ROS1: variants seen among roughly 807,000 people sequenced by gnomAD.
ROS1 encodes ROS proto-oncogene 1, receptor tyrosine kinase.
ROS1 carries 263 observed loss-of-function variants against 273.5 expected under a neutral mutation model. The observed-to-expected ratio is 0.96, with a 90% CI of 0.87 to 1.06. ROS1 has a LOEUF of 1.06. Among genes scored for constraint, ROS1 ranks in the 50% least tolerant of loss-of-function variants. The probability of loss-of-function intolerance (pLI) is 0.00; values close to 1 mark genes in which losing one functional copy is unlikely to be tolerated. For missense variants in ROS1, 2,833 were observed against 2,751.1 expected (o/e 1.03, Z -0.67); for synonymous variants, 1,008 against 954.1 (o/e 1.06, Z -1.04).
chr6:117,383,634 G>GAAT, intron 16 of ROS1, 126 bp from the exon 17 acceptor site: 3 of 764,626 alleles, frequency 3.9e-6, no homozygotes, highest in Non-Finnish European at 6.6e-6. Flanking sequence ...AATAGTGATT[G>GAAT]GCACTATGTG....
rs549038872 is a variant in ROS1 at position 117,318,105 on chromosome 6, T to A, written c.5987+83A>T. The stretch of plus-strand genomic sequence containing the variant: ...GTTGTTTTAGTCATGATCCGTTAAG[T>A]CATGTCATTTTGGGTGTTAAAAATA... On this transcript the variant is annotated intron_variant, in intron 38 of 43. Coordinates refer to ENST00000368507, the MANE Select transcript of ROS1 (RefSeq NM_001378902.1). The A allele has an allele frequency of 6.3e-6, 6 of 946,414 alleles. No individual in the cohort carries two copies. In the East Asian group the frequency reaches 1.3e-4, roughly 20 times the overall value. 58.6% of individuals were successfully genotyped at this position (946,414 alleles called of 1,614,324 possible).
intron 42 of ROS1, among the ~76,000 whole-genome samples, chr6:117,305,287 G>A (rs1429973776): frequency 6.6e-6 from 1 of 152,118 alleles, no homozygotes; most frequent in Non-Finnish European, 1.5e-5. Flanking sequence ...TATTTAGAAG[G>A]AGAGAAAGAA....
In ROS1 at chr6:117,366,221, C is replaced by T. The variant is rs1476549252; in HGVS notation, c.2652G>A (p.Met884Ile). ...STSEISQNAL[M>I]YYSGRLFWIN... is the part of the protein sequence containing the mutation. Reference sequence around the variant, plus strand: ...TCCAGAACAGCCGACCACTATAGTACATCAGTGCATTCTGGGAAATTTCAG... The same window carrying T: ...TCCAGAACAGCCGACCACTATAGTATATCAGTGCATTCTGGGAAATTTCAG... Residue 884 changes from methionine to isoleucine, a missense_variant, in exon 19 of 44, where the codon ATG becomes ATA. Met to Ile is a conservative substitution (Grantham distance 10, BLOSUM62 1). Coordinates refer to ENST00000368507, the MANE Select transcript of ROS1 (RefSeq NM_001378902.1). 3 of 1,613,948 alleles carry T rather than the reference C, an allele frequency of 1.9e-6. No individual in the cohort carries two copies. The highest frequency in any genetic ancestry group is 3.3e-5 in the Admixed American group (2 of 59,986).
rs1458544419 is a variant in ROS1, at chr6:117,425,686, C to T, written c.-30G>A. The T allele has an allele frequency of 1.2e-6, 2 of 1,607,694 alleles. No homozygotes were observed. The highest frequency in any genetic ancestry group is 1.7e-6 in the Non-Finnish European group (2 of 1,177,192). On this transcript the variant is annotated 5_prime_UTR_variant, in exon 1 of 44. Coordinates refer to ENST00000368507, the MANE Select transcript of ROS1 (RefSeq NM_001378902.1). ...TCACCAATGGCAGATTTTTAGATGG[C>T]CGGTCTAATTTTCTCCATTTTGCTA...
In ROS1 at chr6:117,342,439, G is replaced by T. The variant is rs1778015572; in HGVS notation, c.4612C>A (p.Pro1538Thr). The change falls in exon 29 of 44, where the codon CCA (proline) becomes ACA (threonine). Residue 1538 changes from proline (P) to threonine (T), a missense_variant. Physicochemically the swap from Pro to Thr is conservative, Grantham distance 38 (BLOSUM62 -1). Coordinates refer to ENST00000368507, the MANE Select transcript of ROS1 (RefSeq NM_001378902.1). ...NYYSDPLEHL[P>T]PGKEIWGKTK... ...TTTCCCCAAATCTCTTTTCCTGGTG[G>T]TAAATGTTCCAAAGGATCTGAATAA... 6.2e-7 allele frequency: 1 copy of T among 1,611,588 alleles called. No individual in the cohort carries two copies. The highest frequency in any genetic ancestry group is 1.1e-5 in the South Asian group (1 of 90,786).
chr6:117,423,342 A>G (rs1357754539), intron 1 of ROS1, among the ~76,000 whole-genome samples: 1 of 152,214 alleles, frequency 6.6e-6, no homozygotes, highest in Non-Finnish European at 1.5e-5. Flanking sequence ...TAAAGATGGG[A>G]AAATTATGAT....
rs369894311 is a variant in ROS1 at position 117,409,657 on chromosome 6, G to T, written c.256-15C>A. On this transcript the variant is annotated splice_polypyrimidine_tract_variant and intron_variant, in intron 4 of 43. Transcript: ENST00000368507. ...CACGACTCCCGCTGTGGAAGACAGG[G>T]AGCATGACAGTCAGGGCAGCCTTGA... The T allele has an allele frequency of 6.2e-7, 1 of 1,611,448 alleles. No individual in the cohort carries two copies. The highest frequency in any genetic ancestry group is 8.5e-7 in the Non-Finnish European group (1 of 1,177,658).
chr6:117,421,420 C>G (rs1366885647), intron 1 of ROS1, among the ~76,000 whole-genome samples: 1 of 151,934 alleles, frequency 6.6e-6, no homozygotes, highest in Non-Finnish European at 1.5e-5. Context: ...CCTTCCCTCC[C>G]CCTTCTGAGT....
chr6:117,353,009 T>C lies in ROS1; in HGVS notation c.4284A>G (p.Ser1428=). Residue 1428 remains serine (S), a synonymous_variant, in exon 27 of 44, where the codon TCA becomes TCG. Transcript: ENST00000368507. ...TATTACCTGGAAAAGGCTGCATAAC[T>C]GAACTGTAAGCCAAGATATGCCTAC... ...LRSRHILAYS[S]VMQPFPDKAF... 1 of 1,613,472 alleles carries C rather than the reference T, an allele frequency of 6.2e-7. No individual in the cohort carries two copies. The highest frequency in any genetic ancestry group is 8.5e-7 in the Non-Finnish European group (1 of 1,179,868).
chr6:117,403,270 GAC>G lies in ROS1; in HGVS notation c.471_472del (p.Ser158GlnfsTer14), dbSNP rs1238496624. The stretch of plus-strand genomic sequence containing the variant: ...GGGCTTGACCACATAGGACGGTCTG[GAC>G]ACAGTCTAGATCAAGGAGTGATCAA... On this transcript the variant is annotated frameshift_variant, in exon 7 of 44. Coordinates refer to ENST00000368507, the MANE Select transcript of ROS1 (RefSeq NM_001378902.1). LOFTEE classifies it high-confidence loss of function. 6 of 1,611,716 alleles carry G rather than the reference GAC, an allele frequency of 3.7e-6. No individual in the cohort carries two copies. The highest frequency in any genetic ancestry group is 5.1e-6 in the Non-Finnish European group (6 of 1,179,522).
At position 117,358,001 on chromosome 6, in the gene ROS1, T is replaced by C. The variant is rs1181130561; in HGVS notation, c.3642A>G (p.Gln1214=). 6.2e-7 allele frequency: 1 copy of C among 1,611,484 alleles called. No individual in the cohort carries two copies. Among genetic ancestry groups the C allele is most frequent in the Admixed American group, 1.7e-5 (1 of 59,944 alleles). Reference sequence around the variant, plus strand: ...CTGTGATATCAAAAACCAGTGAATCTTGGAAAAGCTTAACAACAGGTAGAG... The same window carrying C: ...CTGTGATATCAAAAACCAGTGAATCCTGGAAAAGCTTAACAACAGGTAGAG... The part of the protein sequence containing the change: ...LHNRSSSELF[Q]DSLVFDITVI... The change falls in exon 25 of 44, where the codon CAA becomes CAG. Residue 1214 remains glutamine (Q), a synonymous_variant. Transcript: ENST00000368507.
At chr6:117,382,205 T>G (rs1237215196) in intron 17 of ROS1, among the ~76,000 whole-genome samples, 1 of 152,212 alleles carries the variant, frequency 6.6e-6, no homozygotes, top group Admixed American at 6.5e-5. Flanking sequence ...TTAAGAGACC[T>G]TTTTATTATT....
chr6:117,387,719 G>C, intron 14 of ROS1, 61 bp downstream of exon 14: 8 of 1,538,134 alleles, frequency 5.2e-6, no homozygotes, highest in Non-Finnish European at 6.1e-6. Context: ...GAAATTTAAA[G>C]GGCACTCAGC....
chr6:117,310,978 G>T, intron 40 of ROS1, 42 bp downstream of exon 40: 2 of 1,244,714 alleles, frequency 1.6e-6, no homozygotes, highest in Non-Finnish European at 2.3e-6. Flanking sequence ...TGATTATTGT[G>T]CCAATATCCG....
intron 15 of ROS1, 85 bp downstream of exon 15, chr6:117,386,804 C>T: frequency 1.6e-6 from 1 of 639,672 alleles, no homozygotes; most frequent in Non-Finnish European, 2.7e-6. Flanking sequence ...ACAAAAATAC[C>T]CTATTCTTTT....
At position 117,395,196 on chromosome 6, in the gene ROS1, T is replaced by C. The variant is rs562548613; in HGVS notation, c.884-458A>G. 4.6e-5 allele frequency among the ~76,000 whole-genome samples: 7 copies of C among 152,264 alleles called. No individual in the cohort carries two copies. The South Asian group carries it at 1.0e-3, about 23-fold the overall frequency. On this transcript the variant is annotated intron_variant, in intron 9 of 43. Coordinates refer to ENST00000368507, the MANE Select transcript of ROS1 (RefSeq NM_001378902.1). ...AAGAAAGGTCCTTAAAGGAATGACA[T>C]TGGAAGGCTGCAGAACTCTGCTTGA...
intron 18 of ROS1, among the ~76,000 whole-genome samples, chr6:117,375,228 G>A (rs1216987425): frequency 6.6e-6 from 1 of 152,182 alleles, no homozygotes; most frequent in Non-Finnish European, 1.5e-5. Flanking sequence ...CTCATAAGTG[G>A]GAGTTAGGCT....
intron 24 of ROS1, among the ~76,000 whole-genome samples, chr6:117,358,456 G>GTAAAC (rs1195190856): frequency 6.6e-6 from 1 of 151,230 alleles, no homozygotes; most frequent in Non-Finnish European, 1.5e-5. Context: ...ACTACCCATA[G>GTAAAC]TAAACTAGTC....
Position 117,425,732 on chromosome 6 carries a change from T to C in ROS1, c.-76A>G. The C allele has an allele frequency of 2.7e-6, 4 of 1,488,374 alleles. No homozygotes were observed. Among genetic ancestry groups the C allele is most frequent in the Admixed American group, 1.8e-5 (1 of 55,224 alleles). The allele number at this position is 1,488,374 out of a possible 1,614,324, so 92.2% of individuals were successfully genotyped here. A position where few individuals can be genotyped will look rare whatever the true frequency, so the allele number is the denominator to read the frequency against. On this transcript the variant is annotated 5_prime_UTR_variant, in exon 1 of 44. The change abolishes an upstream ATG in the 5' untranslated region. Coordinates refer to ENST00000368507, the MANE Select transcript of ROS1 (RefSeq NM_001378902.1). ...TGCTATATGAATTATTTGGGCTTCA[T>C]CACTTCAATTGGAGGAGTAGCTGAT...
Sources: allele counts gnomAD v4.1 joint callset (sites outside exome capture counted in the v4.1 genomes callset), GRCh38; gene constraint gnomAD v4.1.1; transcripts MANE v1.5; gene names NCBI Gene and HGNC (gene_info 2026-07-23, HGNC 2026-07-21).